Variants in XKR9 observed in about 807,000 individuals in gnomAD.
The protein encoded by XKR9 is XK related 9, also known as XK-related protein 9.
In XKR9, 32 loss-of-function variants were observed where a neutral mutation model predicts 32.0. That is an observed-to-expected ratio of 1.00 (90% CI 0.76 to 1.34). The LOEUF (loss-of-function observed/expected upper bound fraction) is 1.34. Among genes scored for constraint, XKR9 ranks in the 40% most tolerant of loss-of-function variants. The pLI is 0.00. For missense variants in XKR9, 546 were observed against 429.7 expected, an observed-to-expected ratio of 1.27 and a Z score of -2.39; for synonymous variants, 168 against 143.4, an observed-to-expected ratio of 1.17 and a Z score of -1.22.
chr8:70,722,935 G>C (rs139157785), intron 4 of XKR9, among the ~76,000 whole-genome samples: 1 of 151,912 alleles, frequency 6.6e-6, no homozygotes, highest in Non-Finnish European at 1.5e-5. Flanking sequence ...AGATACACCA[G>C]TGAATCGTAG....
At chr8:70,751,907 C>A (rs1807147657) in intron 2 of XKR9, among the ~76,000 whole-genome samples, 1 of 152,218 alleles carries the variant, frequency 6.6e-6, no homozygotes, top group Non-Finnish European at 1.5e-5. Flanking sequence ...GACTTCTCAG[C>A]TTCCATAATC....
downstream of XKR9, among the ~76,000 whole-genome samples, chr8:70,790,970 G>T (rs1192936078): frequency 6.6e-6 from 1 of 152,060 alleles, no homozygotes; most frequent in East Asian, 1.9e-4. Flanking sequence ...TCTGCTATGA[G>T]GGCACTAATC....
chr8:70,918,944 A>AT, the XKR9 span, among the ~76,000 whole-genome samples: 2 of 151,462 alleles, frequency 1.3e-5, no homozygotes, highest in African/African-American at 4.8e-5. Flanking sequence ...CGCCCGGCTA[A>AT]TTTTTTGTAT....
At chr8:70,866,457 GT>G in the XKR9 span, among the ~76,000 whole-genome samples, 3 of 152,210 alleles carry the variant, frequency 2.0e-5, no homozygotes, top group Admixed American at 6.5e-5. Flanking sequence ...ATTATAATAT[GT>G]AGGGTGGGGC....
chr8:71,031,689 G>A, the XKR9 span, among the ~76,000 whole-genome samples: 2 of 152,102 alleles, frequency 1.3e-5, no homozygotes, highest in African/African-American at 4.8e-5. Context: ...AGTGGCACCT[G>A]AATTGCTTTC....
At chr8:70,977,874 C>T in the XKR9 span, among the ~76,000 whole-genome samples, 1 of 152,162 alleles carries the variant, frequency 6.6e-6, no homozygotes, top group South Asian at 2.1e-4. Context: ...GAGTCTAATT[C>T]TCTTTGTAGG....
chr8:70,863,217 G>T, the XKR9 span, among the ~76,000 whole-genome samples: 1 of 152,092 alleles, frequency 6.6e-6, no homozygotes, highest in Non-Finnish European at 1.5e-5. Flanking sequence ...GAAGAAGAAG[G>T]AGCAGCGGAA....
At chr8:70,720,737 C>G (rs991281817) in intron 4 of XKR9, among the ~76,000 whole-genome samples, 1 of 152,144 alleles carries the variant, frequency 6.6e-6, no homozygotes, top group African/African-American at 2.4e-5. Flanking sequence ...CGATGTTCAT[C>G]AGGGATATTG....
chr8:70,915,638 G>A, the XKR9 span, among the ~76,000 whole-genome samples: 4 of 152,188 alleles, frequency 2.6e-5, no homozygotes, highest in East Asian at 7.7e-4. Flanking sequence ...AACTGATTTT[G>A]TCTATAGGAT....
chr8:71,009,177 A>T, the XKR9 span, among the ~76,000 whole-genome samples: 1 of 152,050 alleles, frequency 6.6e-6, no homozygotes, highest in Non-Finnish European at 1.5e-5. Flanking sequence ...GACTATGGAG[A>T]CAGTAGTGAG....
the XKR9 span, among the ~76,000 whole-genome samples, chr8:70,951,894 AC>A: frequency 1 from 151,215 of 151,246 alleles, 75,592 homozygotes; most frequent in Middle Eastern, 1. Context: ...TCCTTGTAGG[AC>A]CCCCCCAGTG....
the XKR9 span, among the ~76,000 whole-genome samples, chr8:70,811,906 A>G: frequency 6.6e-6 from 1 of 152,104 alleles, no homozygotes. Flanking sequence ...ATTCCAATCA[A>G]TAGAAAAAGA....
intron 3 of XKR9, among the ~76,000 whole-genome samples, chr8:70,686,469 A>T (rs1165513123): frequency 6.6e-6 from 1 of 150,692 alleles, no homozygotes; most frequent in African/African-American, 2.4e-5. Context: ...TTTTAGATGG[A>T]TTCTTGCTCT....
chr8:71,002,361 C>T, the XKR9 span, among the ~76,000 whole-genome samples: 4 of 84,822 alleles, frequency 4.7e-5, no homozygotes, highest in Non-Finnish European at 1.4e-4. Flanking sequence ...AAGCTAAAGC[C>T]GTGGTAGGTT....
chr8:70,689,049 G>T (rs1429480883), intron 3 of XKR9, among the ~76,000 whole-genome samples: 1 of 151,892 alleles, frequency 6.6e-6, no homozygotes, highest in Non-Finnish European at 1.5e-5. Context: ...CCAACACACA[G>T]AACAAAAGCA....
At chr8:70,855,870 C>A in the XKR9 span, among the ~76,000 whole-genome samples, 6 of 152,252 alleles carry the variant, frequency 3.9e-5, no homozygotes, top group East Asian at 5.8e-4. Flanking sequence ...TCATATCCAG[C>A]CAAACCAAGC....
chr8:70,786,264 A>C (rs1807687721), intron 2 of XKR9, among the ~76,000 whole-genome samples: 1 of 152,112 alleles, frequency 6.6e-6, no homozygotes, highest in African/African-American at 2.4e-5. Context: ...GTTGGATGGA[A>C]TATTCTATGT....
At chr8:70,744,786 G>T (rs1319271149) in intron 2 of XKR9, among the ~76,000 whole-genome samples, 1 of 130,868 alleles carries the variant, frequency 7.6e-6, no homozygotes, top group African/African-American at 2.7e-5. Flanking sequence ...TTGTATTTTT[G>T]GTAGAGATTG....
chr8:70,986,396 A>T, the XKR9 span, among the ~76,000 whole-genome samples: 1 of 152,174 alleles, frequency 6.6e-6, no homozygotes, highest in Non-Finnish European at 1.5e-5. Flanking sequence ...AATCTCATAC[A>T]TTGTCAAAAA....
Sources: gnomAD v4.1 joint callset for allele counts (sites outside exome capture counted in the v4.1 genomes callset) on GRCh38, gnomAD v4.1.1 for gene constraint, MANE v1.5 for transcripts, NCBI Gene and HGNC (gene_info 2026-07-23, HGNC 2026-07-21) for gene names.